The following IQANK1 variants were observed in gnomAD, a reference collection of about 807,000 sequenced individuals.
The protein encoded by IQANK1 is IQ motif and ankyrin repeat domain-containing protein 1.
IQANK1 carries 30 observed loss-of-function variants against 22.6 expected under a neutral mutation model. The observed-to-expected ratio is 1.33, with a 90% CI of 0.99 to 1.80. IQANK1 has a LOEUF of 1.80. Among genes scored for constraint, IQANK1 ranks in the 40% most tolerant of loss-of-function variants. IQANK1 has a pLI of 0.00. For missense variants in IQANK1, 275 were observed against 235.2 expected (o/e 1.17, Z -1.11); for synonymous variants, 122 against 99.6 (o/e 1.23, Z -1.34).
At chr8:143,789,568 C>A in intron 10 of IQANK1, 40 bp downstream of exon 10, 1 of 1,231,994 alleles carries the variant, frequency 8.1e-7, no homozygotes, top group South Asian at 4.1e-5. Flanking sequence ...CCTGCGTCCT[C>A]AACACCCCTC....
At chr8:143,772,670 C>T (rs1001677431) in intron 7 of IQANK1, among the ~76,000 whole-genome samples, 188 bp downstream of exon 7, 1 of 152,150 alleles carries the variant, frequency 6.6e-6, no homozygotes, top group African/African-American at 2.4e-5. Flanking sequence ...CCTGCTAGAG[C>T]GGTTTCCTAG....
At chr8:143,775,334 C>T (rs1472060793) in intron 7 of IQANK1, among the ~76,000 whole-genome samples, 1 of 112,858 alleles carries the variant, frequency 8.9e-6, no homozygotes, top group Non-Finnish European at 2.1e-5. Flanking sequence ...GCCAGGCATG[C>T]TACACACACA....
chr8:143,767,399 C>T (rs1041355475), intron 3 of IQANK1, among the ~76,000 whole-genome samples: 5 of 152,106 alleles, frequency 3.3e-5, no homozygotes, highest in Admixed American at 6.6e-5. Context: ...GTATCTTTGT[C>T]AGATTTAATC....
At chr8:143,765,855 G>A (rs1281078873) in intron 3 of IQANK1, among the ~76,000 whole-genome samples, 2 of 152,174 alleles carry the variant, frequency 1.3e-5, no homozygotes, top group Non-Finnish European at 2.9e-5. Flanking sequence ...TTCTACTGCT[G>A]GTAGACATTT....
chr8:143,736,736 C>A (rs1563765463), intron 2 of IQANK1, among the ~76,000 whole-genome samples: 1 of 152,166 alleles, frequency 6.6e-6, no homozygotes. Context: ...ATGGTGACAG[C>A]TCACCTGGGC....
chr8:143,740,043 G>A, intron 3 of IQANK1, 95 bp downstream of exon 3: 1 of 601,802 alleles, frequency 1.7e-6, no homozygotes, highest in Non-Finnish European at 3.0e-6. Context: ...GTGGGCGCGC[G>A]CTTGCGTGTC....
intron 3 of IQANK1, chr8:143,742,402 C>A (rs1554626670): frequency 2.2e-6 from 1 of 456,072 alleles, no homozygotes; most frequent in South Asian, 1.5e-5. Flanking sequence ...CCTTTCCCAG[C>A]CTTTCCTCTG....
chr8:143,748,545 TATAA>T (rs1488333259), intron 3 of IQANK1, among the ~76,000 whole-genome samples: 8 of 135,756 alleles, frequency 5.9e-5, no homozygotes, highest in East Asian at 2.1e-4. Context: ...ATATATAATA[TATAA>T]ATATAGATAT....
rs1554632181 is a variant in IQANK1, at chr8:143,790,440, G to A, written c.1515G>A (p.Leu505=). ...TGGAGGCGGTGCAGGAGAGGTACCT[G>A]TCGCTGCTGCGGCCCACGGACGGGC... ...RQLEAVQERY[L]SLLRPTDGPE... The change falls in exon 14 of 14, where the codon CTG becomes CTA. Residue 505 remains leucine, a synonymous_variant. Coordinates refer to ENST00000527139, the MANE Select transcript of IQANK1 (RefSeq NM_001381874.1). 3.7e-6 allele frequency: 2 copies of A among 541,532 alleles called. No individual in the cohort carries two copies. The highest frequency in any genetic ancestry group is 2.0e-5 in the African/African-American group (1 of 50,934). 33.5% of individuals were successfully genotyped at this position (541,532 alleles called of 1,614,324 possible).
rs1818718500 is a variant in IQANK1 at position 143,735,708 on chromosome 8, A to T, written c.-4-142A>T. On this transcript the variant is annotated intron_variant, in intron 1 of 13. Coordinates refer to ENST00000527139, the MANE Select transcript of IQANK1 (RefSeq NM_001381874.1). This position sits in a 1 kb window ranked among gnomAD's most constrained non-coding sequence, Gnocchi z 5.2. The stretch of plus-strand genomic sequence containing the variant: ...GGGGCGGGCAGGCAGACAGGACACC[A>T]GCTGGGAAGCCTCAGGGGAGCCCAT... 4.9e-6 allele frequency: 3 copies of T among 610,208 alleles called. No homozygotes were observed. The highest frequency in any genetic ancestry group is 8.9e-6 in the Non-Finnish European group (3 of 335,854). The allele number at this position is 610,208 out of a possible 1,614,324, so 37.8% of individuals were successfully genotyped here. A position where few individuals can be genotyped will look rare whatever the true frequency, so the allele number is the denominator to read the frequency against.
chr8:143,749,288 A>T (rs1563770778), intron 3 of IQANK1, among the ~76,000 whole-genome samples: 2 of 121,624 alleles, frequency 1.6e-5, no homozygotes, highest in Non-Finnish European at 3.1e-5. Context: ...TATATATAAA[A>T]ATATATAATA....
Position 143,771,553 on chromosome 8 carries a change from G to C in IQANK1, c.241G>C (p.Glu81Gln), listed in dbSNP as rs1162757109. The change falls in exon 4 of 14, where the codon GAG becomes CAG. Residue 81 changes from glutamate (E) to glutamine (Q), a missense_variant. Physicochemically the swap from Glu to Gln is conservative, Grantham distance 29. Transcript: ENST00000527139. This position sits in a 1 kb window ranked among gnomAD's most constrained non-coding sequence, Gnocchi z 6.0. ...CTTCCGGCAGCTCCGGGCCAGGAGG[G>C]AGCTCGCCCGCCGCCGGGAGGAGCG... ...GAFRQLRARR[E>Q]LARRREERRE... 2 of 398,180 alleles carry C rather than the reference G, an allele frequency of 5.0e-6. No homozygotes were observed. The highest frequency in any genetic ancestry group is 8.9e-6 in the Non-Finnish European group (2 of 225,878). 24.7% of individuals were successfully genotyped at this position (398,180 alleles called of 1,614,324 possible).
At chr8:143,743,301 A>C (rs537640839) in intron 3 of IQANK1, among the ~76,000 whole-genome samples, 9 of 152,108 alleles carry the variant, frequency 5.9e-5, no homozygotes, top group African/African-American at 1.9e-4. Flanking sequence ...TCCCAGGTGT[A>C]ACCCTAGCTC....
intron 3 of IQANK1, among the ~76,000 whole-genome samples, chr8:143,747,844 T>A (rs1244766955): frequency 6.6e-6 from 1 of 152,066 alleles, no homozygotes; most frequent in Non-Finnish European, 1.5e-5. Context: ...TTGAGAAGAA[T>A]GTATATGCTA....
Position 143,735,820 on chromosome 8 carries a change from C to T in IQANK1, c.-4-30C>T, listed in dbSNP as rs1439261360. ...TGCCCTCTGCCACTCTGAGCACCCTCTCCCTGGTCCTTCCCTACCCACCCC... is the reference window on the plus strand; with the variant it reads ...TGCCCTCTGCCACTCTGAGCACCCTTTCCCTGGTCCTTCCCTACCCACCCC... On this transcript the variant is annotated intron_variant, in intron 1 of 13. Coordinates refer to ENST00000527139, the MANE Select transcript of IQANK1 (RefSeq NM_001381874.1). This position sits in a 1 kb window ranked among gnomAD's most constrained non-coding sequence, Gnocchi z 5.2. 2.6e-5 allele frequency: 18 copies of T among 702,316 alleles called. No homozygotes were observed. Among genetic ancestry groups the T allele is most frequent in the Non-Finnish European group, 4.7e-5 (18 of 384,744 alleles). 43.5% of individuals were successfully genotyped at this position (702,316 alleles called of 1,614,324 possible).
At chr8:143,734,829 C>T (rs1554625421) in intron 1 of IQANK1, among the ~76,000 whole-genome samples, 1 of 151,664 alleles carries the variant, frequency 6.6e-6, no homozygotes, top group Non-Finnish European at 1.5e-5. Context: ...ACCAGACGCC[C>T]CCCCATGTAC....
At chr8:143,773,053 C>G (rs1461297172) in intron 7 of IQANK1, among the ~76,000 whole-genome samples, 2 of 152,224 alleles carry the variant, frequency 1.3e-5, no homozygotes, top group Non-Finnish European at 2.9e-5. Flanking sequence ...CACCTGTAAT[C>G]TCAGCACTTT....
At chr8:143,754,081 C>T (rs1419224859) in intron 3 of IQANK1, among the ~76,000 whole-genome samples, 1 of 151,956 alleles carries the variant, frequency 6.6e-6, no homozygotes, top group Non-Finnish European at 1.5e-5. Context: ...TTTGAATGTC[C>T]TAGCCTTTCA....
At chr8:143,782,315 T>G (rs1487914098) in intron 7 of IQANK1, among the ~76,000 whole-genome samples, 1 of 152,220 alleles carries the variant, frequency 6.6e-6, no homozygotes, top group African/African-American at 2.4e-5. Context: ...TTCTCTTGCC[T>G]GATTGCTCTG....
Sources: allele counts gnomAD v4.1 joint callset (sites outside exome capture counted in the v4.1 genomes callset), GRCh38; gene constraint gnomAD v4.1.1; non-coding constraint Gnocchi (gnomAD v3.1); transcripts MANE v1.5; gene names NCBI Gene and HGNC (gene_info 2026-07-23, HGNC 2026-07-21).